CYFIP2: variants seen among roughly 807,000 people sequenced by gnomAD.
CYFIP2 encodes cytoplasmic FMR1 interacting protein 2.
A neutral mutation model predicts 158.7 loss-of-function variants in CYFIP2; 29 were observed. The observed-to-expected ratio is 0.18, with a 90% confidence interval of 0.14 to 0.25. The LOEUF (loss-of-function observed/expected upper bound fraction) is 0.25, where lower values mean the gene tolerates loss of function less well. CYFIP2 is among the 10% of genes least tolerant of loss of function. The pLI, the probability that CYFIP2 is intolerant of heterozygous loss-of-function variation, is 1.00. For synonymous variants in CYFIP2, 585 were observed against 617.6 expected (o/e 0.95, Z 0.78); for missense variants, 852 against 1,639.5 (o/e 0.52, Z 8.29).
intron 26 of CYFIP2, chr5:157,364,172 G>C (rs898052813): frequency 8.1e-6 from 1 of 123,222 alleles, no homozygotes; most frequent in Non-Finnish European, 1.6e-5. Context: ...AGGCCTCAGG[G>C]GCACCAGAAC....
In CYFIP2 at chr5:157,326,285, CT is replaced by C; in HGVS notation, c.2079+23del. 1 of 1,586,060 alleles carries C rather than the reference CT, an allele frequency of 6.3e-7. No homozygotes were observed. The highest frequency in any genetic ancestry group is 1.3e-5 in the African/African-American group (1 of 74,478). ...AAGCTGAGGCAAGTGATGTGCTTCT[CT>C]TTTTGCTCCTTTAATCTTGTTCCAA... On this transcript the variant is annotated intron_variant, in intron 18 of 30. Transcript: ENST00000620254.
intron 1 of CYFIP2, among the ~76,000 whole-genome samples, chr5:157,270,229 G>T (rs1396604972): frequency 6.6e-6 from 1 of 152,206 alleles, no homozygotes; most frequent in Non-Finnish European, 1.5e-5. Context: ...TAGAGCAATG[G>T]TTCTTAGGCT....
At chr5:157,368,906 T>C (rs1308867746) in intron 26 of CYFIP2, among the ~76,000 whole-genome samples, 4 of 151,138 alleles carry the variant, frequency 2.6e-5, no homozygotes, top group Admixed American at 2.6e-4. Context: ...TTTTTTGTTT[T>C]TTTTTTTTTT....
intron 5 of CYFIP2, 35 bp downstream of exon 5, chr5:157,296,809 C>A: frequency 1.3e-6 from 2 of 1,536,930 alleles, no homozygotes; most frequent in South Asian, 2.3e-5. Context: ...ATCTGGAGAA[C>A]TGAAAAGGCC....
At position 157,325,507 on chromosome 5, in the gene CYFIP2, C is replaced by G. The variant is rs367974123; in HGVS notation, c.1851C>G (p.Leu617=). 51 of 1,613,390 alleles carry G rather than the reference C, an allele frequency of 3.2e-5. No homozygotes were observed. The highest frequency in any genetic ancestry group is 4.1e-5 in the Non-Finnish European group (48 of 1,179,680). ...AAGCCCTGCAGCAGTGTTGTGACCT[C>G]TCCCAGCTCTGGTTCCGAGAATTCT... ...ISEALQQCCD[L]SQLWFREFFL... is the part of the protein sequence containing the mutation. The change falls in exon 17 of 31, where the codon CTC becomes CTG. Residue 617 remains leucine (L), a synonymous_variant. Transcript: ENST00000620254.
chr5:157,288,515 G>C, intron 3 of CYFIP2: 1 of 441,948 alleles, frequency 2.3e-6, no homozygotes, highest in South Asian at 1.6e-5. Flanking sequence ...AAATGCTGGA[G>C]AGGTATGCAA....
chr5:157,339,429 T>C (rs1035232737), intron 22 of CYFIP2, among the ~76,000 whole-genome samples, 173 bp downstream of exon 22: 3 of 150,174 alleles, frequency 2.0e-5, no homozygotes, highest in South Asian at 2.1e-4. Context: ...ATAGAGCTGG[T>C]TGACAGTTGA....
chr5:157,375,125 A>G (rs773375872), intron 26 of CYFIP2, among the ~76,000 whole-genome samples: 2 of 152,226 alleles, frequency 1.3e-5, no homozygotes, highest in Non-Finnish European at 2.9e-5. Context: ...ATCTAGTGCT[A>G]TAAGACTTAT....
At chr5:157,348,003 C>T (rs10037232) in intron 23 of CYFIP2, among the ~76,000 whole-genome samples, 1 of 152,264 alleles carries the variant, frequency 6.6e-6, no homozygotes, top group Non-Finnish European at 1.5e-5. Flanking sequence ...ATCTGGGACA[C>T]CTGCCCCAGG....
chr5:157,358,923 C>A, intron 23 of CYFIP2, 82 bp from the exon 24 acceptor site: 1 of 1,567,412 alleles, frequency 6.4e-7, no homozygotes, highest in Non-Finnish European at 8.8e-7. Context: ...CCTAATGCTT[C>A]TGTCAGCAGA....
chr5:157,380,705 T>C (rs1465420405), intron 26 of CYFIP2, among the ~76,000 whole-genome samples: 1 of 152,172 alleles, frequency 6.6e-6, no homozygotes, highest in Non-Finnish European at 1.5e-5. Context: ...AAGTATAATA[T>C]AATCAAGTGG....
chr5:157,393,949 A>G lies in CYFIP2; in HGVS notation c.*949A>G, dbSNP rs6555992. The G allele has an allele frequency of 0.22, 33,299 of 152,108 alleles. 4,377 individuals are homozygous for G. The highest frequency in any genetic ancestry group is 0.36 in the African/African-American group (14,752 of 41,450). 9.4% of individuals were successfully genotyped at this position (152,108 alleles called of 1,614,324 possible). On this transcript the variant is annotated 3_prime_UTR_variant, in exon 31 of 31. Coordinates refer to ENST00000620254, the MANE Select transcript of CYFIP2 (RefSeq NM_001037333.3). ...AATATTAAGGGGTTATTTCCACAGAAGCCCAAAACGTCTTGGAAACACAGA... is the reference window on the plus strand; with the variant it reads ...AATATTAAGGGGTTATTTCCACAGAGGCCCAAAACGTCTTGGAAACACAGA...
In CYFIP2 at chr5:157,266,354, C is replaced by T. The variant is rs1268776741; in HGVS notation, c.-24+159C>T. 2 of 151,556 alleles carry T rather than the reference C, an allele frequency of 1.3e-5. No homozygotes were observed. Among genetic ancestry groups the T allele is most frequent in the African/African-American group, 4.8e-5 (2 of 41,372 alleles). The allele number at this position is 151,556 out of a possible 1,614,324, so 9.4% of individuals were successfully genotyped here. On this transcript the variant is annotated intron_variant, in intron 1 of 30. Coordinates refer to ENST00000620254, the MANE Select transcript of CYFIP2 (RefSeq NM_001037333.3). The surrounding 1 kb of genome is among the most constrained non-coding windows in gnomAD (Gnocchi z 4.2). ...GCTAGCCCGAGGCCCGGCCTCAGGCCCCACGCGGCCCCTTTCCCCCTCGGA... is the reference window on the plus strand; with the variant it reads ...GCTAGCCCGAGGCCCGGCCTCAGGCTCCACGCGGCCCCTTTCCCCCTCGGA...
In CYFIP2 at chr5:157,333,458, G is replaced by A; in HGVS notation, c.2385+12G>A. On this transcript the variant is annotated intron_variant, in intron 21 of 30. Coordinates refer to ENST00000620254, the MANE Select transcript of CYFIP2 (RefSeq NM_001037333.3). ...TGACCTCCATTGTGGTAAGAGTCTG[G>A]GAGCGTGTGGGATTTCTGCTCTGTG... is the stretch of plus-strand genomic sequence containing the variant. 3 of 1,613,940 alleles carry A rather than the reference G, an allele frequency of 1.9e-6. No individual in the cohort carries two copies. The highest frequency in any genetic ancestry group is 2.5e-6 in the Non-Finnish European group (3 of 1,179,846).
At chr5:157,343,084 G>C in intron 23 of CYFIP2, 2 of 1,614,216 alleles carry the variant, frequency 1.2e-6, no homozygotes, top group Non-Finnish European at 8.5e-7. Flanking sequence ...CCTCCTCCAT[G>C]TGGCCAGCCC....
intron 8 of CYFIP2, 160 bp downstream of exon 8, chr5:157,304,526 T>C (rs1161309176): frequency 5.3e-6 from 4 of 757,162 alleles, no homozygotes; most frequent in Non-Finnish European, 8.2e-6. Flanking sequence ...TCCTGTAATA[T>C]AATATACCGT....
At chr5:157,327,794 C>T in intron 18 of CYFIP2, 179 bp from the exon 19 acceptor site, 1 of 596,242 alleles carries the variant, frequency 1.7e-6, no homozygotes, top group South Asian at 2.0e-5. Flanking sequence ...TGACTGAGGA[C>T]CCTGAGAGCA....
At chr5:157,333,225 A>C in intron 20 of CYFIP2, 102 bp from the exon 21 acceptor site, 1 of 1,483,322 alleles carries the variant, frequency 6.7e-7, no homozygotes, top group Non-Finnish European at 9.2e-7. Flanking sequence ...TGGCAGTCTC[A>C]CTCCCACCTT....
intron 1 of CYFIP2, among the ~76,000 whole-genome samples, chr5:157,279,838 C>T (rs934440246): frequency 1.3e-5 from 2 of 152,228 alleles, no homozygotes; most frequent in Non-Finnish European, 2.9e-5. Flanking sequence ...GATTGCGTAA[C>T]AGGCAGGACA....
Sources: gnomAD v4.1 joint callset for allele counts (sites outside exome capture counted in the v4.1 genomes callset) on GRCh38, gnomAD v4.1.1 for gene constraint, Gnocchi (gnomAD v3.1) non-coding constraint, MANE v1.5 for transcripts, NCBI Gene and HGNC (gene_info 2026-07-23, HGNC 2026-07-21) for gene names.